TMTC1: variants seen among roughly 807,000 people sequenced by gnomAD.
The protein encoded by TMTC1 is transmembrane O-mannosyltransferase targeting cadherins 1, also known as protein O-mannosyl-transferase TMTC1.
A neutral mutation model predicts 104.8 loss-of-function variants in TMTC1; 73 were observed. The ratio of observed to expected loss-of-function variants is 0.70; its 90% CI spans 0.58 to 0.85. TMTC1 has a LOEUF of 0.85. TMTC1 is among the 40% of genes least tolerant of loss of function. TMTC1 has a pLI of 0.00. For synonymous variants in TMTC1, 434 were observed against 428.7 expected (o/e 1.01, Z -0.15); for missense variants, 1,035 against 1,096.1 (o/e 0.94, Z 0.79).
chr12:29,683,006 T>G (rs1233467127), intron 5 of TMTC1, among the ~76,000 whole-genome samples: 2 of 152,172 alleles, frequency 1.3e-5, no homozygotes, highest in Admixed American at 6.6e-5. Context: ...TTTCTAGATT[T>G]TCCTGTGCAT....
intron 10 of TMTC1, among the ~76,000 whole-genome samples, chr12:29,540,963 C>G (rs1296717385): frequency 1.3e-5 from 2 of 151,642 alleles, no homozygotes; most frequent in Admixed American, 1.3e-4. Context: ...CCACTGCACT[C>G]CAGCCTGGGC....
At chr12:29,710,956 A>ATT (rs1398605682) in intron 5 of TMTC1, among the ~76,000 whole-genome samples, 1 of 63,796 alleles carries the variant, frequency 1.6e-5, no homozygotes, top group African/African-American at 4.0e-5. Flanking sequence ...ATATATATAT[A>ATT]AATATATTAA....
chr12:29,720,297 G>C (rs1223543633), intron 5 of TMTC1, among the ~76,000 whole-genome samples: 1 of 152,174 alleles, frequency 6.6e-6, no homozygotes, highest in African/African-American at 2.4e-5. Flanking sequence ...CAGTGGGAAA[G>C]GGAGCTGAGC....
intron 5 of TMTC1, among the ~76,000 whole-genome samples, chr12:29,649,099 C>A (rs1368625993): frequency 6.6e-6 from 1 of 152,170 alleles, no homozygotes; most frequent in Non-Finnish European, 1.5e-5. Context: ...CCACCACTCT[C>A]CCCTTGGCTG....
intron 5 of TMTC1, among the ~76,000 whole-genome samples, chr12:29,691,163 C>G (rs1052298548): frequency 6.6e-6 from 1 of 152,156 alleles, no homozygotes; most frequent in Non-Finnish European, 1.5e-5. Flanking sequence ...CTGAACCTCC[C>G]CAAATTGCTC....
At chr12:29,547,857 T>C (rs1944981806) in intron 10 of TMTC1, among the ~76,000 whole-genome samples, 1 of 152,184 alleles carries the variant, frequency 6.6e-6, no homozygotes, top group African/African-American at 2.4e-5. Flanking sequence ...GATGTTGGAT[T>C]TGGAAGAGCA....
At chr12:29,767,820 A>ATATG in intron 2 of TMTC1, 78 bp downstream of exon 2, 2 of 1,297,086 alleles carry the variant, frequency 1.5e-6, no homozygotes, top group East Asian at 2.4e-5. Flanking sequence ...ATGTATATAT[A>ATATG]TGTGTGTGTA....
chr12:29,623,258 G>A (rs1428806882), intron 6 of TMTC1, among the ~76,000 whole-genome samples: 2 of 152,224 alleles, frequency 1.3e-5, no homozygotes, highest in African/African-American at 2.4e-5. Context: ...TTTGACAGAT[G>A]ACACACCTAC....
rs142808652 is a variant in TMTC1 at position 29,569,888 on chromosome 12, C to T, written c.1532+2217G>A. ...CATATTTCTTCCAGAAGCACAGTTG[C>T]TGAAGCAAACATTTATTTGTATTGT... On this transcript the variant is annotated intron_variant, in intron 9 of 17. Transcript: ENST00000539277. 2.1e-3 allele frequency among the ~76,000 whole-genome samples: 322 copies of T among 152,286 alleles called. 5 individuals carry two copies. In the South Asian group the frequency reaches 0.024, roughly 11 times the overall value.
At chr12:29,531,789 C>T (rs1944510960) in intron 11 of TMTC1, among the ~76,000 whole-genome samples, 1 of 152,142 alleles carries the variant, frequency 6.6e-6, no homozygotes, top group Non-Finnish European at 1.5e-5. Context: ...TTCTTCTGGA[C>T]ATTTTTATGT....
chr12:29,714,911 G>A (rs1942035434), intron 5 of TMTC1, among the ~76,000 whole-genome samples: 4 of 152,198 alleles, frequency 2.6e-5, no homozygotes, highest in Admixed American at 2.0e-4. Flanking sequence ...ACTCTCAGAA[G>A]GAGTACAGTC....
intron 5 of TMTC1, among the ~76,000 whole-genome samples, chr12:29,654,414 C>T (rs922769960): frequency 3.3e-5 from 5 of 152,126 alleles, no homozygotes; most frequent in Admixed American, 6.5e-5. Context: ...ATTCCCTACC[C>T]ATTGGTATGG....
intron 5 of TMTC1, chr12:29,658,845 T>A (rs900467195): frequency 6.5e-6 from 1 of 152,718 alleles, no homozygotes; most frequent in African/African-American, 2.4e-5. Context: ...AAGAAAGGCA[T>A]CCCAATTCTT....
chr12:29,568,082 T>G (rs1187186450), intron 9 of TMTC1, among the ~76,000 whole-genome samples: 3 of 152,182 alleles, frequency 2.0e-5, no homozygotes, highest in Non-Finnish European at 2.9e-5. Context: ...ATACAAAGAA[T>G]TATATCAGTA....
At position 29,745,325 on chromosome 12, in the gene TMTC1, C is replaced by T. The variant is rs536743340; in HGVS notation, c.938+6341G>A. ...AGCAAAAACGATGGTCAATTCACTA[C>T]ATTAAAAAGAAACTAGGCCAGGAGC... is the stretch of plus-strand genomic sequence containing the variant. On this transcript the variant is annotated intron_variant, in intron 5 of 17. Coordinates refer to ENST00000539277, the MANE Select transcript of TMTC1 (RefSeq NM_001193451.2). Among the ~76,000 whole-genome samples the T allele has an allele frequency of 3.9e-5, 6 of 152,120 alleles. No homozygotes were observed. The East Asian group carries it at 1.2e-3, about 29-fold the overall frequency.
intron 5 of TMTC1, among the ~76,000 whole-genome samples, chr12:29,664,231 A>AG (rs1474272872): frequency 6.6e-6 from 1 of 151,380 alleles, no homozygotes; most frequent in Non-Finnish European, 1.5e-5. Flanking sequence ...AATAAAAAAA[A>AG]TAAAATAAAA....
rs116288689 is a variant in TMTC1 at position 29,589,739 on chromosome 12, T to A, written c.1251-6165A>T. Reference sequence around the variant, plus strand: ...CAAACATTTAGCTGCAATATATGTTTGCGTGTCTAGTGAGCACTTCCTGTG... The same window carrying A: ...CAAACATTTAGCTGCAATATATGTTAGCGTGTCTAGTGAGCACTTCCTGTG... On this transcript the variant is annotated intron_variant, in intron 7 of 17. Transcript: ENST00000539277. Among the ~76,000 whole-genome samples, 1,226 of 152,348 alleles carry A rather than the reference T, an allele frequency of 8.0e-3. 17 individuals are homozygous for A. Among genetic ancestry groups the A allele is most frequent in the African/African-American group, 0.028 (1,158 of 41,570 alleles).
At chr12:29,699,625 A>G (rs1391614183) in intron 5 of TMTC1, among the ~76,000 whole-genome samples, 5 of 151,524 alleles carry the variant, frequency 3.3e-5, no homozygotes, top group Non-Finnish European at 5.9e-5. Context: ...TTGGCACAAA[A>G]TACATCCAGT....
chr12:29,714,718 C>T (rs1037248414), intron 5 of TMTC1, among the ~76,000 whole-genome samples: 3 of 152,252 alleles, frequency 2.0e-5, no homozygotes, highest in African/African-American at 2.4e-5. Flanking sequence ...CTCTCCCAAA[C>T]GCACATCCCA....
Sources: allele counts gnomAD v4.1 joint callset (sites outside exome capture counted in the v4.1 genomes callset), GRCh38; gene constraint gnomAD v4.1.1; transcripts MANE v1.5; gene names NCBI Gene and HGNC (gene_info 2026-07-23, HGNC 2026-07-21).